Variants in RABGAP1L observed in about 807,000 individuals in gnomAD.
RABGAP1L encodes rab GTPase-activating protein 1-like.
Under a neutral mutation model 137.7 loss-of-function variants are expected in RABGAP1L, and 63 were observed. The ratio of observed to expected loss-of-function variants is 0.46; its 90% CI spans 0.37 to 0.56. RABGAP1L has a LOEUF of 0.56. Among genes scored for constraint, RABGAP1L ranks in the 20% least tolerant of loss-of-function variants. The pLI, the probability that RABGAP1L is intolerant of heterozygous loss-of-function variation, is 0.00. For missense variants in RABGAP1L, 1,095 were observed against 1,244.0 expected, an observed-to-expected ratio of 0.88 and a Z score of 1.80; for synonymous variants, 431 against 433.7, an observed-to-expected ratio of 0.99 and a Z score of 0.08.
chr1:174,207,221 C>CT (rs1310697955), intron 1 of RABGAP1L, among the ~76,000 whole-genome samples: 1 of 152,130 alleles, frequency 6.6e-6, no homozygotes, highest in African/African-American at 2.4e-5. Context: ...GCAGTCTTAA[C>CT]TAAATGCATT....
intron 19 of RABGAP1L, among the ~76,000 whole-genome samples, chr1:174,930,088 A>G (rs959162927): frequency 1.3e-5 from 2 of 151,366 alleles, no homozygotes; most frequent in East Asian, 1.9e-4. Flanking sequence ...GGCTCATGCA[A>G]TCCACTCACC....
intron 13 of RABGAP1L, among the ~76,000 whole-genome samples, chr1:174,625,246 C>A (rs958800555): frequency 3.3e-5 from 5 of 152,132 alleles, no homozygotes; most frequent in African/African-American, 1.2e-4. Flanking sequence ...TTCCCTACTA[C>A]CAGATTATAG....
intron 19 of RABGAP1L, among the ~76,000 whole-genome samples, chr1:174,821,161 A>G (rs1472164504): frequency 6.6e-6 from 1 of 152,072 alleles, no homozygotes; most frequent in Non-Finnish European, 1.5e-5. Flanking sequence ...CATCACTACC[A>G]TTTTACTCTG....
chr1:174,975,216 T>C (rs187039549), intron 21 of RABGAP1L, among the ~76,000 whole-genome samples: 15 of 152,340 alleles, frequency 9.8e-5, no homozygotes, highest in Admixed American at 9.1e-4. Flanking sequence ...GCTTAAAGCC[T>C]AGTGGGCAAG....
intron 19 of RABGAP1L, among the ~76,000 whole-genome samples, chr1:174,850,691 C>G (rs528739229): frequency 1.3e-5 from 2 of 152,272 alleles, no homozygotes; most frequent in Non-Finnish European, 1.5e-5. Context: ...ATATGATGCT[C>G]TATTACTGAT....
intron 19 of RABGAP1L, among the ~76,000 whole-genome samples, chr1:174,927,324 A>G (rs1663007724): frequency 6.6e-6 from 1 of 152,144 alleles, no homozygotes; most frequent in African/African-American, 2.4e-5. Context: ...AATTTTATTA[A>G]GTGTTGTTTG....
intron 13 of RABGAP1L, among the ~76,000 whole-genome samples, chr1:174,575,853 A>G (rs61826903): frequency 0.092 from 14,067 of 152,258 alleles, 846 homozygotes; most frequent in East Asian, 0.22. Flanking sequence ...TGGTCCTGCA[A>G]TGCTGCCAAT....
chr1:174,309,833 G>A lies in RABGAP1L; in HGVS notation c.1465+4706G>A, dbSNP rs573644785. Among the ~76,000 whole-genome samples the A allele has an allele frequency of 2.0e-5, 3 of 152,082 alleles. No homozygotes were observed. In the South Asian group the frequency reaches 6.2e-4, roughly 32 times the overall value. On this transcript the variant is annotated intron_variant, in intron 11 of 25. Coordinates refer to ENST00000681986, the MANE Select transcript of RABGAP1L (RefSeq NM_001366446.1). Reference sequence around the variant, plus strand: ...AGTTTTCATTTTTTGTAGTATCCTTGTCTGTGTCTGGCTTTGATATTAGTG... The same window carrying A: ...AGTTTTCATTTTTTGTAGTATCCTTATCTGTGTCTGGCTTTGATATTAGTG...
At position 174,448,315 on chromosome 1, in the gene RABGAP1L, T is replaced by A; in HGVS notation, c.1710+54170T>A. On this transcript the variant is annotated intron_variant, in intron 13 of 25. Transcript: ENST00000681986. The surrounding 1 kb of genome is among the most constrained non-coding windows in gnomAD (Gnocchi z 4.2). ...CAGTTATCTTTGTCTTTCATTGTGC[T>A]CCACTGTTACATCATTATACTACCA... The A allele has an allele frequency of 6.2e-7, 1 of 1,613,230 alleles. No homozygotes were observed. The highest frequency in any genetic ancestry group is 1.1e-5 in the South Asian group (1 of 91,064).
At chr1:174,611,899 T>C (rs1490298047) in intron 13 of RABGAP1L, among the ~76,000 whole-genome samples, 8 of 152,254 alleles carry the variant, frequency 5.3e-5, no homozygotes, top group Non-Finnish European at 8.8e-5. Flanking sequence ...TTTTTGCACA[T>C]TGATTTTGTT....
At chr1:174,336,562 C>A (rs1433735387) in intron 11 of RABGAP1L, among the ~76,000 whole-genome samples, 1 of 152,192 alleles carries the variant, frequency 6.6e-6, no homozygotes, top group Non-Finnish European at 1.5e-5. Flanking sequence ...TAAATGTGCA[C>A]ATGCATTACC....
In RABGAP1L at chr1:174,254,406, G is replaced by A. The variant is rs1332252138; in HGVS notation, c.986+1816G>A. On this transcript the variant is annotated intron_variant, in intron 7 of 25. Transcript: ENST00000681986. ...TACGTAGGTATACCTGTGCCATGGT[G>A]GTTTACTGTACCCATCAGCCCATCA... Among the ~76,000 whole-genome samples the A allele has an allele frequency of 3.3e-5, 5 of 152,082 alleles. No individual in the cohort carries two copies. In the South Asian group the frequency reaches 6.2e-4, roughly 19 times the overall value.
chr1:174,206,986 A>G (rs548630129), intron 1 of RABGAP1L, among the ~76,000 whole-genome samples: 11 of 152,256 alleles, frequency 7.2e-5, no homozygotes, highest in Admixed American at 2.0e-4. Context: ...CTAAATATTT[A>G]TTGAGCTCCT....
intron 19 of RABGAP1L, among the ~76,000 whole-genome samples, chr1:174,868,797 C>T (rs1342021370): frequency 6.6e-6 from 1 of 152,066 alleles, no homozygotes; most frequent in Non-Finnish European, 1.5e-5. Flanking sequence ...TGCCCCAACG[C>T]CCCACCCAGG....
chr1:174,963,708 G>A (rs888085845), intron 20 of RABGAP1L, among the ~76,000 whole-genome samples: 3 of 151,814 alleles, frequency 2.0e-5, no homozygotes, highest in African/African-American at 7.3e-5. Flanking sequence ...GCCAGTTTTT[G>A]TAAACCAAGT....
intron 13 of RABGAP1L, among the ~76,000 whole-genome samples, chr1:174,492,181 T>G (rs1660310473): frequency 6.7e-6 from 1 of 149,648 alleles, no homozygotes; most frequent in Admixed American, 6.6e-5. Flanking sequence ...AATTACTTTT[T>G]TTTTTTTTTT....
At chr1:174,350,572 T>G (rs1683062799) in intron 11 of RABGAP1L, among the ~76,000 whole-genome samples, 1 of 116,906 alleles carries the variant, frequency 8.6e-6, no homozygotes, top group African/African-American at 3.4e-5. Context: ...CTAGATGGGA[T>G]GGCGGCCGGG....
intron 11 of RABGAP1L, among the ~76,000 whole-genome samples, chr1:174,321,474 G>T (rs1000350223): frequency 1.3e-5 from 2 of 152,046 alleles, no homozygotes; most frequent in South Asian, 4.1e-4. Context: ...TGTGATGTCT[G>T]CCCCGGACTC....
chr1:174,715,128 G>A (rs1424406440), intron 17 of RABGAP1L, among the ~76,000 whole-genome samples: 3 of 152,094 alleles, frequency 2.0e-5, no homozygotes, highest in Admixed American at 2.0e-4. Flanking sequence ...TAAAAGCAGT[G>A]TGCAATTTTG....
Sources: gnomAD v4.1 joint callset for allele counts (sites outside exome capture counted in the v4.1 genomes callset) on GRCh38, gnomAD v4.1.1 for gene constraint, Gnocchi (gnomAD v3.1) non-coding constraint, MANE v1.5 for transcripts, NCBI Gene and HGNC (gene_info 2026-07-23, HGNC 2026-07-21) for gene names.